ADAMTSL1: variants seen among roughly 807,000 people sequenced by gnomAD.
ADAMTSL1 encodes ADAMTS like 1.
In ADAMTSL1, 126 loss-of-function variants were observed where a neutral mutation model predicts 201.8. The ratio of observed to expected loss-of-function variants is 0.62; its 90% CI spans 0.54 to 0.72. ADAMTSL1 has a LOEUF of 0.72. Among genes scored for constraint, ADAMTSL1 ranks in the 30% least tolerant of loss-of-function variants. The pLI, the probability that ADAMTSL1 is intolerant of heterozygous loss-of-function variation, is 0.00. For missense variants in ADAMTSL1, 2,679 were observed against 2,277.8 expected, an observed-to-expected ratio of 1.18 and a Z score of -3.59; for synonymous variants, 1,121 against 903.4, an observed-to-expected ratio of 1.24 and a Z score of -4.32.
chr9:18,406,959 C>T (rs573430883), intron 2 of ADAMTSL1, among the ~76,000 whole-genome samples: 4 of 152,240 alleles, frequency 2.6e-5, no homozygotes, highest in Non-Finnish European at 4.4e-5. Context: ...ATGTGAAAAG[C>T]AGGTTTATAA....
chr9:17,994,171 A>C (rs759567805), intron 1 of ADAMTSL1, among the ~76,000 whole-genome samples: 1 of 151,856 alleles, frequency 6.6e-6, no homozygotes, highest in Non-Finnish European at 1.5e-5. Context: ...CCACTTGTGC[A>C]TCAAAGGCCC....
intron 5 of ADAMTSL1, among the ~76,000 whole-genome samples, chr9:18,633,477 G>A (rs1332779940): frequency 6.6e-6 from 1 of 152,038 alleles, no homozygotes; most frequent in Non-Finnish European, 1.5e-5. Flanking sequence ...TGTAATCCCA[G>A]CTACTTGAGG....
intron 5 of ADAMTSL1, among the ~76,000 whole-genome samples, chr9:18,626,898 C>CCTTT (rs1306553798): frequency 2.4e-5 from 3 of 125,746 alleles, no homozygotes; most frequent in Admixed American, 7.9e-5. Context: ...TTCCTTCCTT[C>CCTTT]CTTTCTTTCT....
At chr9:18,025,989 T>C (rs1002922042) in intron 1 of ADAMTSL1, among the ~76,000 whole-genome samples, 1 of 152,100 alleles carries the variant, frequency 6.6e-6, no homozygotes, top group African/African-American at 2.4e-5. Context: ...GATGTATTCC[T>C]AGGTATTTTT....
chr9:18,352,377 T>C lies in ADAMTSL1; in HGVS notation c.208-152452T>C, dbSNP rs1836010410. ...TAGTCTTTGGATAAGGATGTTGTTC[T>C]AAATCTTCCTTCTACCCATCCTACA... On this transcript the variant is annotated intron_variant, in intron 2 of 29. Coordinates refer to the ADAMTSL1 transcript ENST00000680146. Among the ~76,000 whole-genome samples, 3 of 152,224 alleles carry C rather than the reference T, an allele frequency of 2.0e-5. No homozygotes were observed. In the South Asian group the frequency reaches 6.2e-4, roughly 31 times the overall value.
intron 2 of ADAMTSL1, among the ~76,000 whole-genome samples, chr9:18,204,028 G>A (rs1200509980): frequency 6.6e-6 from 1 of 152,154 alleles, no homozygotes; most frequent in Admixed American, 6.5e-5. Flanking sequence ...ATCTTGAGCA[G>A]GGCGCTAAGT....
chr9:18,430,146 C>T (rs1819420126), intron 2 of ADAMTSL1, among the ~76,000 whole-genome samples: 1 of 152,050 alleles, frequency 6.6e-6, no homozygotes, highest in Non-Finnish European at 1.5e-5. Flanking sequence ...CAAAAACCAC[C>T]TGGGGATACT....
chr9:18,182,377 A>G (rs1189503036), intron 2 of ADAMTSL1, among the ~76,000 whole-genome samples: 1 of 152,196 alleles, frequency 6.6e-6, no homozygotes, highest in Non-Finnish European at 1.5e-5. Flanking sequence ...GATGACTTCT[A>G]TGAATTACAT....
At chr9:18,125,214 G>A (rs1051265340) in intron 1 of ADAMTSL1, among the ~76,000 whole-genome samples, 1 of 152,082 alleles carries the variant, frequency 6.6e-6, no homozygotes, top group Admixed American at 6.5e-5. Context: ...CCTCTTACAC[G>A]GATGGCAGCA....
chr9:18,081,845 G>A (rs184203264), intron 1 of ADAMTSL1, among the ~76,000 whole-genome samples: 203 of 152,316 alleles, frequency 1.3e-3, no homozygotes, highest in African/African-American at 4.7e-3. Context: ...TTTTAGCACA[G>A]TGAAGAAAAG....
At chr9:18,095,206 C>G (rs1474800972) in intron 1 of ADAMTSL1, among the ~76,000 whole-genome samples, 1 of 152,138 alleles carries the variant, frequency 6.6e-6, no homozygotes, top group African/African-American at 2.4e-5. Flanking sequence ...CACACATGCT[C>G]TGATGAAAAC....
At chr9:18,856,431 A>G (rs991363182) in intron 23 of ADAMTSL1, among the ~76,000 whole-genome samples, 1 of 150,896 alleles carries the variant, frequency 6.6e-6, no homozygotes, top group African/African-American at 2.4e-5. Context: ...TAGCAATGAT[A>G]AACTGGTTGT....
intron 15 of ADAMTSL1, among the ~76,000 whole-genome samples, chr9:18,736,748 A>G (rs1818519862): frequency 6.6e-6 from 1 of 152,182 alleles, no homozygotes; most frequent in Non-Finnish European, 1.5e-5. Flanking sequence ...TTGAAGTCTG[A>G]TATATTTGAA....
intron 2 of ADAMTSL1, among the ~76,000 whole-genome samples, chr9:18,350,134 C>A (rs187282818): frequency 6.6e-6 from 1 of 152,034 alleles, no homozygotes; most frequent in African/African-American, 2.4e-5. Flanking sequence ...CCAGCACACA[C>A]TCCTCTCTCC....
rs1818328961 is a variant in ADAMTSL1 at position 18,409,264 on chromosome 9, T to C, written c.208-95565T>C. ...CAGGCATGGTGGTGCATGCCTGTAA[T>C]CCCAGCTACTGGGGAGGCTGAAGTG... On this transcript the variant is annotated intron_variant, in intron 2 of 29. Coordinates refer to the ADAMTSL1 transcript ENST00000680146. Among the ~76,000 whole-genome samples the C allele has an allele frequency of 2.0e-5, 3 of 150,064 alleles. No individual in the cohort carries two copies. The South Asian group carries it at 6.3e-4, about 31-fold the overall frequency.
intron 4 of ADAMTSL1, among the ~76,000 whole-genome samples, chr9:18,594,139 TC>T (rs1476240862): frequency 6.6e-6 from 1 of 152,252 alleles, no homozygotes; most frequent in Admixed American, 6.5e-5. Context: ...CAGGGTACAA[TC>T]TTTTTGTTGA....
intron 2 of ADAMTSL1, among the ~76,000 whole-genome samples, chr9:18,230,763 T>C (rs1167047690): frequency 6.6e-6 from 1 of 152,190 alleles, no homozygotes; most frequent in Non-Finnish European, 1.5e-5. Context: ...TAATTACAAA[T>C]TCAAATAAAT....
At chr9:18,396,496 T>G (rs923404180) in intron 2 of ADAMTSL1, among the ~76,000 whole-genome samples, 123 of 148,338 alleles carry the variant, frequency 8.3e-4, no homozygotes, top group African/African-American at 2.9e-3. Context: ...AATATTAAAC[T>G]TTAATGAGTG....
intron 14 of ADAMTSL1, among the ~76,000 whole-genome samples, chr9:18,713,274 TAAATGCTCCAATTAA>T: frequency 6.6e-6 from 1 of 152,098 alleles, no homozygotes; most frequent in South Asian, 2.1e-4. Flanking sequence ...GTCAATGGAC[TAAATGCTCCAATTAA>T]AAGACACAGA....
Sources: allele counts gnomAD v4.1 joint callset (sites outside exome capture counted in the v4.1 genomes callset), GRCh38; gene constraint gnomAD v4.1.1; transcripts MANE v1.5; gene names NCBI Gene and HGNC (gene_info 2026-07-23, HGNC 2026-07-21).